CHD9: variants seen among roughly 807,000 people sequenced by gnomAD.
CHD9 encodes chromodomain helicase DNA binding protein 9.
A neutral mutation model predicts 316.1 loss-of-function variants in CHD9; 77 were observed. The observed-to-expected ratio is 0.24, with a 90% CI of 0.20 to 0.29. The LOEUF (loss-of-function observed/expected upper bound fraction) is 0.29, where lower values mean the gene tolerates loss of function less well. CHD9 is among the 10% of genes least tolerant of loss of function. CHD9 has a pLI of 1.00. For missense variants in CHD9, 2,763 were observed against 3,438.1 expected, an observed-to-expected ratio of 0.80 and a Z score of 4.91; for synonymous variants, 1,129 against 1,158.3, an observed-to-expected ratio of 0.97 and a Z score of 0.51.
At chr16:53,262,339 A>C (rs1460539213) in intron 19 of CHD9, among the ~76,000 whole-genome samples, 1 of 152,164 alleles carries the variant, frequency 6.6e-6, no homozygotes, top group Non-Finnish European at 1.5e-5. Context: ...AGTTTCTTCC[A>C]ACTAAAAGAT....
intron 2 of CHD9, among the ~76,000 whole-genome samples, chr16:53,182,180 G>A (rs760089250): frequency 2.0e-5 from 3 of 152,036 alleles, no homozygotes; most frequent in Admixed American, 6.6e-5. Context: ...ACAATTGGTG[G>A]ATTTTTAAGG....
chr16:53,072,695 AT>A (rs200256460), intron 1 of CHD9, among the ~76,000 whole-genome samples: 1 of 150,334 alleles, frequency 6.7e-6, no homozygotes, highest in Non-Finnish European at 1.5e-5. Flanking sequence ...TTATTTTTTT[AT>A]TTTTTTTATT....
intron 2 of CHD9, among the ~76,000 whole-genome samples, chr16:53,162,840 T>TG (rs1292318765): frequency 6.7e-6 from 1 of 149,894 alleles, no homozygotes; most frequent in Non-Finnish European, 1.5e-5. Context: ...TGGAGTGCAG[T>TG]GGGGCGTGAT....
chr16:53,155,170 A>G (rs2041420241), intron 1 of CHD9, among the ~76,000 whole-genome samples: 1 of 152,196 alleles, frequency 6.6e-6, no homozygotes, highest in South Asian at 2.1e-4. Flanking sequence ...AGAAAGATCT[A>G]CCTTGCAAAT....
intron 1 of CHD9, among the ~76,000 whole-genome samples, chr16:53,072,819 T>C (rs2034217081): frequency 6.6e-6 from 1 of 152,012 alleles, no homozygotes; most frequent in African/African-American, 2.4e-5. Flanking sequence ...CTCAGCCTCC[T>C]GAGTAGCTGG....
chr16:53,306,464 G>T, intron 32 of CHD9, 67 bp downstream of exon 32: 1 of 1,294,306 alleles, frequency 7.7e-7, no homozygotes, highest in South Asian at 1.8e-5. Context: ...TTCAATGGTA[G>T]ATATTCTTAC....
intron 2 of CHD9, among the ~76,000 whole-genome samples, chr16:53,188,172 C>T (rs1346635736): frequency 6.6e-6 from 1 of 152,224 alleles, no homozygotes; most frequent in East Asian, 1.9e-4. Flanking sequence ...AACAGCACTT[C>T]ATTTTTAATT....
At position 53,157,079 on chromosome 16, in the gene CHD9, A is replaced by G; in HGVS notation, c.990A>G (p.Thr330=). 6 of 1,613,000 alleles carry G rather than the reference A, an allele frequency of 3.7e-6. No individual in the cohort carries two copies. Among genetic ancestry groups the G allele is most frequent in the Non-Finnish European group, 5.1e-6 (6 of 1,179,474 alleles). The change falls in exon 2 of 39, where the codon ACA becomes ACG. Residue 330 remains threonine, a synonymous_variant. Coordinates refer to ENST00000447540, the MANE Select transcript of CHD9 (RefSeq NM_001308319.2). ...ESTQHILNPN[T]SLNSNNFQIL... ...CTCAGCATATCCTAAACCCCAATAC[A>G]TCATTGAATTCAAATAATTTCCAAA...
chr16:53,061,428 T>G (rs182225798), intron 1 of CHD9, among the ~76,000 whole-genome samples: 1 of 152,280 alleles, frequency 6.6e-6, no homozygotes, highest in East Asian at 1.9e-4. Flanking sequence ...TAAAGCTGTG[T>G]CATAGTTGTA....
Position 53,292,915 on chromosome 16 carries a change from A to T in CHD9, c.5373A>T (p.Ala1791=), listed in dbSNP as rs1454682061. The part of the protein sequence containing the change: ...LTTRLRRLIT[A]YQRTNKNRQI... The stretch of plus-strand genomic sequence containing the variant: ...CACGTTTGAGGCGTCTCATCACTGC[A>T]TACCAGCGTACTAATAAAAACAGAC... Residue 1791 remains alanine, a synonymous_variant, in exon 29 of 39, where the codon GCA becomes GCT. Transcript: ENST00000447540. 1 of 1,613,784 alleles carries T rather than the reference A, an allele frequency of 6.2e-7. No homozygotes were observed.
At chr16:53,076,795 TTTAA>T (rs1402850107) in intron 1 of CHD9, among the ~76,000 whole-genome samples, 5 of 151,648 alleles carry the variant, frequency 3.3e-5, no homozygotes, top group South Asian at 2.1e-4. Flanking sequence ...AAAAGCAAAT[TTTAA>T]TTAATTAATT....
chr16:53,152,588 TGTGA>T (rs2041212223), intron 1 of CHD9, among the ~76,000 whole-genome samples: 1 of 152,170 alleles, frequency 6.6e-6, no homozygotes. Flanking sequence ...CAGTTTTTCA[TGTGA>T]GTGACATAAA....
At chr16:53,091,499 G>T (rs1596952934) in intron 1 of CHD9, among the ~76,000 whole-genome samples, 1 of 152,224 alleles carries the variant, frequency 6.6e-6, no homozygotes, top group South Asian at 2.1e-4. Context: ...TCCCATGGGT[G>T]TACTCACAGG....
intron 4 of CHD9, among the ~76,000 whole-genome samples, chr16:53,224,968 G>GAT (rs2047526961): frequency 6.6e-6 from 1 of 152,094 alleles, no homozygotes; most frequent in Non-Finnish European, 1.5e-5. Context: ...TTTGAGGTTT[G>GAT]AAATGTCAAT....
At chr16:53,296,687 C>G (rs188345851) in intron 29 of CHD9, among the ~76,000 whole-genome samples, 1 of 151,772 alleles carries the variant, frequency 6.6e-6, no homozygotes, top group African/African-American at 2.4e-5. Flanking sequence ...CCTTGCGATC[C>G]GCCCGCCTCG....
In CHD9 at chr16:53,081,872, T is replaced by TG. The variant is rs1555479490; in HGVS notation, c.-165+26795_-165+26796insG. Among the ~76,000 whole-genome samples the TG allele has an allele frequency of 7.1e-3, 1,084 of 151,980 alleles. 11 individuals carry two copies. Among genetic ancestry groups the TG allele is most frequent in the South Asian group, 0.022 (104 of 4,816 alleles). On this transcript the variant is annotated intron_variant, in intron 1 of 38. Coordinates refer to ENST00000447540, the MANE Select transcript of CHD9 (RefSeq NM_001308319.2). ...ATGAATGAATGAATGAATGAATGAA[T>TG]AAACCAATAACCTTGGATACTTTTC...
At chr16:53,108,790 A>C (rs1429564619) in intron 1 of CHD9, among the ~76,000 whole-genome samples, 1 of 152,002 alleles carries the variant, frequency 6.6e-6, no homozygotes, top group Admixed American at 6.6e-5. Context: ...CAGGAGAATC[A>C]CTTGAACCCC....
intron 27 of CHD9, among the ~76,000 whole-genome samples, chr16:53,290,146 T>C (rs6499537): frequency 0.48 from 73,336 of 151,976 alleles, 18,374 homozygotes; most frequent in African/African-American, 0.59. Context: ...TGGTGGCATG[T>C]ACCTGTAATC....
intron 2 of CHD9, among the ~76,000 whole-genome samples, chr16:53,173,000 A>T (rs1384613993): frequency 1.3e-5 from 2 of 152,008 alleles, no homozygotes; most frequent in Non-Finnish European, 2.9e-5. Flanking sequence ...GTTAAAGTTG[A>T]TGAAGTCTAG....
Sources: gnomAD v4.1 joint callset for allele counts (sites outside exome capture counted in the v4.1 genomes callset) on GRCh38, gnomAD v4.1.1 for gene constraint, MANE v1.5 for transcripts, NCBI Gene and HGNC (gene_info 2026-07-23, HGNC 2026-07-21) for gene names.